Variants in ASPA observed in about 807,000 individuals in gnomAD.
ASPA encodes the protein ACY-2.
A neutral mutation model predicts 29.6 loss-of-function variants in ASPA; 25 were observed. The ratio of observed to expected loss-of-function variants is 0.85; its 90% confidence interval spans 0.62 to 1.18. The LOEUF (loss-of-function observed/expected upper bound fraction) is 1.18, where lower values mean the gene tolerates loss of function less well. Among genes scored for constraint, ASPA ranks in the 50% most tolerant of loss-of-function variants. The pLI, the probability that ASPA is intolerant of heterozygous loss-of-function variation, is 0.00. For synonymous variants in ASPA, 131 were observed against 130.3 expected (o/e 1.01, Z -0.04); for missense variants, 333 against 385.7 (o/e 0.86, Z 1.14).
upstream of ASPA, among the ~76,000 whole-genome samples, chr17:3,474,662 G>A (rs145427051): frequency 2.9e-3 from 447 of 152,236 alleles, 2 homozygotes; most frequent in African/African-American, 9.2e-3. Context: ...TGCATTATAA[G>A]CTCTTAAAGG....
At chr17:3,479,357 G>A (rs1376042093) in intron 1 of ASPA, among the ~76,000 whole-genome samples, 2 of 152,148 alleles carry the variant, frequency 1.3e-5, no homozygotes, top group East Asian at 1.9e-4. Context: ...TGTCGGGCGC[G>A]ACCTCAGGGG....
chr17:3,478,051 G>A (rs929714769), intron 1 of ASPA, among the ~76,000 whole-genome samples: 6 of 152,062 alleles, frequency 3.9e-5, no homozygotes, highest in African/African-American at 1.4e-4. Context: ...CGGGCATGGT[G>A]GCGGGCACCT....
chr17:3,474,769 A>G (rs1337551502), upstream of ASPA, among the ~76,000 whole-genome samples: 1 of 152,202 alleles, frequency 6.6e-6, no homozygotes, highest in Admixed American at 6.5e-5. Context: ...TCCTGAGCAC[A>G]CTGTAATGGC....
chr17:3,477,334 G>A (rs1382290343), intron 1 of ASPA, among the ~76,000 whole-genome samples: 4 of 152,132 alleles, frequency 2.6e-5, no homozygotes, highest in African/African-American at 9.7e-5. Context: ...TGCATACAAC[G>A]TAAGCAGTCA....
At chr17:3,484,832 T>C (rs1319251167) in intron 3 of ASPA, among the ~76,000 whole-genome samples, 1 of 152,138 alleles carries the variant, frequency 6.6e-6, no homozygotes, top group Non-Finnish European at 1.5e-5. Flanking sequence ...GAATATCATA[T>C]ACAAGGGCCC....
chr17:3,486,519 C>G (rs1471850434), intron 3 of ASPA, among the ~76,000 whole-genome samples: 1 of 152,200 alleles, frequency 6.6e-6, no homozygotes, highest in East Asian at 1.9e-4. Flanking sequence ...GTGACTTCAT[C>G]TTTACCTTCT....
intron 5 of ASPA, among the ~76,000 whole-genome samples, chr17:3,495,761 G>A (rs1236294583): frequency 8.5e-5 from 13 of 152,060 alleles, no homozygotes; most frequent in Non-Finnish European, 1.9e-4. Context: ...TGGAGATGGG[G>A]TTTCACCATG....
chr17:3,495,477 G>A (rs1189681673), intron 5 of ASPA, among the ~76,000 whole-genome samples: 2 of 152,230 alleles, frequency 1.3e-5, no homozygotes, highest in Non-Finnish European at 2.9e-5. Context: ...ATACAGACGA[G>A]TGAAGCAAAT....
chr17:3,496,135 A>G (rs1470637000), intron 5 of ASPA, among the ~76,000 whole-genome samples: 3 of 152,228 alleles, frequency 2.0e-5, no homozygotes, highest in African/African-American at 7.2e-5. Context: ...TTGACAGACA[A>G]TAATGAATGG....
rs116038215 is a variant in ASPA at position 3,479,635 on chromosome 17, C to G, written c.237-1968C>G. Among the ~76,000 whole-genome samples, 549 of 152,066 alleles carry G rather than the reference C, an allele frequency of 3.6e-3. 5 individuals are homozygous for G. The highest frequency in any genetic ancestry group is 0.012 in the African/African-American group (501 of 41,474). On this transcript the variant is annotated intron_variant, in intron 1 of 5. Transcript: ENST00000263080. ...TCAACGTGGCCCTTTCCACCTTCCC[C>G]CTGCACCGACTCGACGTGGTCCCTT...
chr17:3,484,106 T>C (rs2073679980), intron 3 of ASPA, among the ~76,000 whole-genome samples: 2 of 152,246 alleles, frequency 1.3e-5, no homozygotes, highest in South Asian at 4.1e-4. Flanking sequence ...TTGTTCATGT[T>C]CCCTTTGCTG....
intron 1 of ASPA, among the ~76,000 whole-genome samples, chr17:3,477,025 G>C (rs185883322): frequency 0.037 from 5,613 of 151,960 alleles, 160 homozygotes; most frequent in East Asian, 0.11. Flanking sequence ...CGTAGTGGCG[G>C]GTGCCTGTAG....
chr17:3,475,124 C>T (rs1243807453), upstream of ASPA, among the ~76,000 whole-genome samples: 2 of 152,110 alleles, frequency 1.3e-5, no homozygotes, highest in African/African-American at 2.4e-5. Flanking sequence ...CATGGTATTC[C>T]CAGTACTTGA....
chr17:3,491,877 C>CTTTTTTTTTTTTT (rs540965896), intron 4 of ASPA, among the ~76,000 whole-genome samples: 24 of 123,022 alleles, frequency 2.0e-4, no homozygotes, highest in East Asian at 4.7e-4. Context: ...CTTTTGTTTT[C>CTTTTTTTTTTTTT]TTTTTTTTTT....
chr17:3,482,213 T>C (rs980744079), intron 2 of ASPA, among the ~76,000 whole-genome samples: 2 of 152,180 alleles, frequency 1.3e-5, no homozygotes, highest in Non-Finnish European at 2.9e-5. Context: ...GGGATCTCAA[T>C]TACAAGGTTT....
chr17:3,479,130 C>T (rs1412730105), intron 1 of ASPA, among the ~76,000 whole-genome samples: 1 of 152,120 alleles, frequency 6.6e-6, no homozygotes, highest in Non-Finnish European at 1.5e-5. Flanking sequence ...AAAATGTATC[C>T]AGAATAGATT....
In ASPA at chr17:3,485,972, G is replaced by A. The variant is rs2150750714; in HGVS notation, c.526+2380G>A. 6.9e-6 allele frequency among the ~76,000 whole-genome samples: 1 copy of A among 144,422 alleles called. No individual in the cohort carries two copies. The highest frequency in any genetic ancestry group is 2.6e-5 in the African/African-American group (1 of 38,876). The allele number at this position is 144,422 out of a possible 152,430, so 94.7% of individuals were successfully genotyped here. On this transcript the variant is annotated intron_variant, in intron 3 of 5. Transcript: ENST00000263080. This position sits in a 1 kb window ranked among gnomAD's most constrained non-coding sequence, Gnocchi z 4.4. ...TTTGAGACGGAGTTTCGCTCTTGTTGCCAAGGCTGGAGTACAGTGGCACAA... is the reference window on the plus strand; with the variant it reads ...TTTGAGACGGAGTTTCGCTCTTGTTACCAAGGCTGGAGTACAGTGGCACAA...
intron 1 of ASPA, among the ~76,000 whole-genome samples, chr17:3,478,192 A>AT (rs1159804824): frequency 1.6e-3 from 233 of 145,474 alleles, no homozygotes; most frequent in African/African-American, 4.3e-3. Context: ...CTCAAAAAAA[A>AT]AAATATATAT....
Position 3,489,312 on chromosome 17 carries a change from G to C in ASPA, c.604G>C (p.Ala202Pro), listed in dbSNP as rs147763700. The C allele has an allele frequency of 6.2e-7, 1 of 1,613,040 alleles. No homozygotes were observed. ...TCAAATGAGAAAAATGATTAAACATGCTCTTGATTTTATACATCATTTCAA... is the reference window on the plus strand; with the variant it reads ...TCAAATGAGAAAAATGATTAAACATCCTCTTGATTTTATACATCATTTCAA... Reference protein sequence around the residue: ...LDQMRKMIKHALDFIHHFNEG... With the variant: ...LDQMRKMIKHPLDFIHHFNEG... The change falls in exon 4 of 6, where the codon GCT becomes CCT. Residue 202 changes from alanine to proline, a missense_variant. By Grantham distance (27) the Ala-to-Pro change is conservative. Transcript: ENST00000263080.
Sources: allele counts gnomAD v4.1 joint callset (sites outside exome capture counted in the v4.1 genomes callset), GRCh38; gene constraint gnomAD v4.1.1; non-coding constraint Gnocchi (gnomAD v3.1); transcripts MANE v1.5; gene names NCBI Gene and HGNC (gene_info 2026-07-23, HGNC 2026-07-21).